The following PTPRD variants were observed in gnomAD, a reference collection of about 807,000 sequenced individuals.
PTPRD encodes receptor-type tyrosine-protein phosphatase delta.
PTPRD carries 34 observed loss-of-function variants against 214.5 expected under a neutral mutation model. The observed-to-expected ratio is 0.16, with a 90% CI of 0.12 to 0.21. PTPRD has a LOEUF of 0.21. PTPRD is among the 10% of genes least tolerant of loss of function. The pLI is 1.00. For missense variants in PTPRD, 2,545 were observed against 2,398.7 expected, an observed-to-expected ratio of 1.06 and a Z score of -1.27; for synonymous variants, 1,128 against 845.7, an observed-to-expected ratio of 1.33 and a Z score of -5.79.
intron 2 of PTPRD, among the ~76,000 whole-genome samples, chr9:10,604,702 A>C (rs1485696553): frequency 2.0e-5 from 3 of 151,870 alleles, no homozygotes; most frequent in African/African-American, 7.2e-5. Flanking sequence ...AGGAGTTGCC[A>C]CTGGAATTCT....
intron 10 of PTPRD, chr9:9,090,978 C>T (rs1425303696): frequency 3.8e-6 from 6 of 1,572,540 alleles, no homozygotes; most frequent in African/African-American, 1.3e-5. Context: ...CTAACTGTGC[C>T]CGATGCATGC....
chr9:9,974,532 G>C (rs2095279923), intron 4 of PTPRD, among the ~76,000 whole-genome samples: 1 of 152,102 alleles, frequency 6.6e-6, no homozygotes, highest in African/African-American at 2.4e-5. Flanking sequence ...TTCTCTATTT[G>C]AAAATAACAT....
chr9:10,458,007 T>A (rs2098930777), intron 2 of PTPRD, among the ~76,000 whole-genome samples: 1 of 152,028 alleles, frequency 6.6e-6, no homozygotes, highest in African/African-American at 2.4e-5. Flanking sequence ...GAATCAGGAA[T>A]AAATAGAAAG....
chr9:9,303,513 A>C (rs536504828), intron 9 of PTPRD, among the ~76,000 whole-genome samples: 43 of 152,212 alleles, frequency 2.8e-4, no homozygotes, highest in African/African-American at 1.0e-3. Flanking sequence ...TCAATACGTT[A>C]TTCACTATTG....
At chr9:9,409,698 G>A (rs72702526) in intron 8 of PTPRD, among the ~76,000 whole-genome samples, 10,321 of 151,978 alleles carry the variant, frequency 0.068, 420 homozygotes, top group Middle Eastern at 0.13. Flanking sequence ...TACTTCCCAA[G>A]AAATCGTAGA....
chr9:8,570,331 T>C (rs907115804), intron 14 of PTPRD, among the ~76,000 whole-genome samples: 4 of 152,144 alleles, frequency 2.6e-5, no homozygotes, highest in African/African-American at 2.4e-5. Context: ...CAAAACTAAA[T>C]TGCAAAACAA....
intron 3 of PTPRD, among the ~76,000 whole-genome samples, chr9:10,182,401 A>C (rs949871830): frequency 3.3e-4 from 50 of 152,102 alleles, no homozygotes; most frequent in Non-Finnish European, 1.6e-4. Flanking sequence ...GGAATGTCTA[A>C]ATTATAGGGA....
At chr9:9,972,194 G>A (rs766332583) in intron 4 of PTPRD, among the ~76,000 whole-genome samples, 5 of 152,032 alleles carry the variant, frequency 3.3e-5, no homozygotes, top group Admixed American at 6.6e-5. Context: ...ATTATCAAGC[G>A]CATCTTAACA....
chr9:9,026,606 A>G (rs1270646394), intron 10 of PTPRD, among the ~76,000 whole-genome samples: 1 of 151,690 alleles, frequency 6.6e-6, no homozygotes, highest in African/African-American at 2.4e-5. Context: ...ATGTTTTTTC[A>G]TCTTTTAAGC....
chr9:9,310,044 A>T (rs560377288), intron 9 of PTPRD, among the ~76,000 whole-genome samples: 6 of 152,224 alleles, frequency 3.9e-5, no homozygotes, highest in Admixed American at 2.6e-4. Context: ...GAATTCTACA[A>T]ATTGAATGGG....
At chr9:10,391,700 T>G (rs1040821048) in intron 2 of PTPRD, among the ~76,000 whole-genome samples, 15 of 151,810 alleles carry the variant, frequency 9.9e-5, no homozygotes, top group African/African-American at 1.7e-4. Context: ...CCCAGAAAGT[T>G]CTGTCACCAT....
At chr9:10,134,577 T>C (rs927933331) in intron 3 of PTPRD, among the ~76,000 whole-genome samples, 1 of 152,092 alleles carries the variant, frequency 6.6e-6, no homozygotes, top group Admixed American at 6.6e-5. Flanking sequence ...TGAAATCCAA[T>C]GCAGGAATCT....
chr9:9,516,996 CAT>C (rs1207415097), intron 8 of PTPRD, among the ~76,000 whole-genome samples: 1 of 151,380 alleles, frequency 6.6e-6, no homozygotes, highest in Non-Finnish European at 1.5e-5. Context: ...ATGATATAAA[CAT>C]AATAAATGCT....
chr9:9,609,445 A>G, intron 7 of PTPRD, among the ~76,000 whole-genome samples: 1 of 152,170 alleles, frequency 6.6e-6, no homozygotes, highest in Non-Finnish European at 1.5e-5. Context: ...TCAAGTAACA[A>G]TGTGAAGGTG....
At chr9:9,194,714 A>G (rs1028042063) in intron 9 of PTPRD, among the ~76,000 whole-genome samples, 2 of 152,166 alleles carry the variant, frequency 1.3e-5, no homozygotes, top group East Asian at 3.9e-4. Context: ...TTGTTGAAAT[A>G]GGGCGCTGGG....
chr9:9,861,117 T>C (rs1011151378), intron 5 of PTPRD, among the ~76,000 whole-genome samples: 12 of 152,204 alleles, frequency 7.9e-5, no homozygotes, highest in Non-Finnish European at 1.6e-4. Flanking sequence ...TACACTAGCA[T>C]CTATAATAAA....
chr9:9,815,562 C>T (rs1200008247), intron 5 of PTPRD, among the ~76,000 whole-genome samples: 2 of 151,924 alleles, frequency 1.3e-5, no homozygotes, highest in East Asian at 1.9e-4. Context: ...AAACAATAAA[C>T]AAAATGTAAA....
intron 11 of PTPRD, among the ~76,000 whole-genome samples, chr9:8,951,773 G>T (rs988111398): frequency 3.9e-5 from 6 of 151,940 alleles, no homozygotes; most frequent in African/African-American, 1.4e-4. Context: ...TTCACCCCAA[G>T]TTCTTGTGTG....
intron 5 of PTPRD, among the ~76,000 whole-genome samples, chr9:9,820,264 T>C (rs1289242337): frequency 6.6e-6 from 1 of 152,186 alleles, no homozygotes; most frequent in East Asian, 1.9e-4. Context: ...TTTCAGATGT[T>C]TGTTTACCGC....
Sources: gnomAD v4.1 joint callset for allele counts (sites outside exome capture counted in the v4.1 genomes callset) on GRCh38, gnomAD v4.1.1 for gene constraint, MANE v1.5 for transcripts, NCBI Gene and HGNC (gene_info 2026-07-23, HGNC 2026-07-21) for gene names.